Variants in ASTN2 observed in about 807,000 individuals in gnomAD.
ASTN2 encodes astrotactin-2.
In ASTN2, 54 loss-of-function variants were observed where a neutral mutation model predicts 139.8. The observed-to-expected ratio is 0.39, with a 90% CI of 0.31 to 0.48. The LOEUF (loss-of-function observed/expected upper bound fraction) is 0.48, where lower values mean the gene tolerates loss of function less well. ASTN2 is among the 20% of genes least tolerant of loss of function. The pLI, the probability that ASTN2 is intolerant of heterozygous loss-of-function variation, is 0.95. For missense variants in ASTN2, 1,565 were observed against 1,725.1 expected (o/e 0.91, Z 1.64); for synonymous variants, 756 against 719.5 (o/e 1.05, Z -0.81).
intron 3 of ASTN2, among the ~76,000 whole-genome samples, chr9:117,157,841 A>AT (rs1830464472): frequency 6.6e-6 from 1 of 151,996 alleles, no homozygotes; most frequent in Non-Finnish European, 1.5e-5. Flanking sequence ...TCTGTATAAC[A>AT]TATATAAGAA....
chr9:116,524,501 C>T (rs1464918212), intron 19 of ASTN2, among the ~76,000 whole-genome samples: 2 of 152,134 alleles, frequency 1.3e-5, no homozygotes, highest in East Asian at 3.9e-4. Flanking sequence ...ATGGAAAGAG[C>T]TCTATATTTG....
rs148103310 is a variant in ASTN2, at chr9:116,820,653, T to G, written c.2171A>C (p.Tyr724Ser). ...GAAGATGGTGCTCGAAGTGGCATCGTAGGGCAGGGGCAGCGTCTGCTGCAG... is the reference window on the plus strand; with the variant it reads ...GAAGATGGTGCTCGAAGTGGCATCGGAGGGCAGGGGCAGCGTCTGCTGCAG... ...LCLQQTLPLP[Y>S]DATSSTIFMF... The change falls in exon 12 of 23, where the codon TAC becomes TCC. Residue 724 changes from tyrosine to serine, a missense_variant. Tyr to Ser is a moderately radical substitution (Grantham distance 144, BLOSUM62 -2). Around this residue, in one of 4 missense-constraint regions of ASTN2, gnomAD observed 503 missense variants for 591.7 expected, o/e 0.85. Transcript: ENST00000313400. 3.7e-6 allele frequency: 6 copies of G among 1,614,158 alleles called. No homozygotes were observed. The highest frequency in any genetic ancestry group is 5.1e-6 in the Non-Finnish European group (6 of 1,180,006).
At chr9:116,928,059 G>T (rs553069253) in intron 10 of ASTN2, among the ~76,000 whole-genome samples, 1 of 151,770 alleles carries the variant, frequency 6.6e-6, no homozygotes. Context: ...GCTTGACTCA[G>T]CTTCCCTCCC....
intron 17 of ASTN2, among the ~76,000 whole-genome samples, chr9:116,649,574 A>AG (rs1412736501): frequency 6.9e-6 from 1 of 143,932 alleles, no homozygotes; most frequent in East Asian, 2.0e-4. Context: ...AACTGTCTCA[A>AG]AAAAAAAAAA....
chr9:116,903,762 CA>C (rs1245803580), intron 10 of ASTN2, among the ~76,000 whole-genome samples: 1 of 152,130 alleles, frequency 6.6e-6, no homozygotes, highest in African/African-American at 2.4e-5. Context: ...AATAGTTTGA[CA>C]TTTGTTTTTT....
rs1588218245 is a variant in ASTN2 at position 116,699,206 on chromosome 9, G to A, written c.2806+26565C>T. On this transcript the variant is annotated intron_variant, in intron 16 of 22. Transcript: ENST00000313400. The surrounding 1 kb of genome is among the most constrained non-coding windows in gnomAD (Gnocchi z 4.2). ...CTGGCCAGTTTGTAGTAACCGATGT[G>A]GAAGGTGGAAAGCTTTGGTGTTTCA... The A allele has an allele frequency of 1.2e-6, 2 of 1,614,238 alleles. No homozygotes were observed. Among genetic ancestry groups the A allele is most frequent in the East Asian group, 2.2e-5 (1 of 44,872 alleles).
intron 4 of ASTN2, among the ~76,000 whole-genome samples, chr9:117,106,918 C>T (rs1334104611): frequency 6.6e-6 from 1 of 152,122 alleles, no homozygotes; most frequent in Admixed American, 6.5e-5. Context: ...TGTGTCTGTG[C>T]ATGTGCACAC....
At chr9:117,051,451 G>A (rs938619301) in intron 5 of ASTN2, among the ~76,000 whole-genome samples, 1 of 152,078 alleles carries the variant, frequency 6.6e-6, no homozygotes, top group South Asian at 2.1e-4. Flanking sequence ...GCTCCTAACA[G>A]TATTACTATG....
chr9:117,048,090 G>A (rs1435598058), intron 5 of ASTN2, among the ~76,000 whole-genome samples: 1 of 152,128 alleles, frequency 6.6e-6, no homozygotes, highest in African/African-American at 2.4e-5. Flanking sequence ...TGATGTCAGG[G>A]TCCAAGCTCT....
Position 117,279,591 on chromosome 9 carries a change from A to G in ASTN2, c.630+11735T>C, listed in dbSNP as rs183278722. ...ATTCCAATCCAGGCAGTTCTGTCCC[A>G]AAGTCAACATTCTTGTTTTGGGTTT... On this transcript the variant is annotated intron_variant, in intron 2 of 22. Transcript: ENST00000313400. Among the ~76,000 whole-genome samples, 89 of 152,366 alleles carry G rather than the reference A, an allele frequency of 5.8e-4. 1 individual carries two copies. In the East Asian group the frequency reaches 0.014, roughly 25 times the overall value.
intron 13 of ASTN2, among the ~76,000 whole-genome samples, chr9:116,740,806 G>A (rs568125507): frequency 3.3e-5 from 5 of 151,630 alleles, no homozygotes; most frequent in African/African-American, 7.3e-5. Flanking sequence ...GAACCACCGC[G>A]CCCGGCGGTA....
intron 20 of ASTN2, among the ~76,000 whole-genome samples, chr9:116,460,612 C>A (rs1848457482): frequency 6.6e-6 from 1 of 152,096 alleles, no homozygotes; most frequent in Non-Finnish European, 1.5e-5. Context: ...TCAGTGAAAT[C>A]TTAAGTGAAT....
intron 17 of ASTN2, among the ~76,000 whole-genome samples, chr9:116,638,514 AT>A (rs1188329648): frequency 6.8e-6 from 1 of 146,110 alleles, no homozygotes; most frequent in African/African-American, 2.5e-5. Context: ...AGGTTTTTCA[AT>A]ATGGGCTGTG....
At chr9:116,656,847 T>G (rs1339893367) in intron 16 of ASTN2, among the ~76,000 whole-genome samples, 1 of 152,146 alleles carries the variant, frequency 6.6e-6, no homozygotes, top group Admixed American at 6.5e-5. Context: ...GCACGGATGT[T>G]TGTTCAATAT....
At chr9:116,809,913 C>T (rs1305075904) in intron 12 of ASTN2, among the ~76,000 whole-genome samples, 1 of 152,184 alleles carries the variant, frequency 6.6e-6, no homozygotes, top group Non-Finnish European at 1.5e-5. Context: ...GGAATCTATG[C>T]TGACATGATT....
chr9:117,393,236 G>A (rs974797360), intron 1 of ASTN2, among the ~76,000 whole-genome samples: 1 of 152,198 alleles, frequency 6.6e-6, no homozygotes, highest in Admixed American at 6.5e-5. Flanking sequence ...TGGTCAACAA[G>A]GGACTTTGGC....
chr9:117,317,227 T>C (rs535422879), intron 1 of ASTN2, among the ~76,000 whole-genome samples: 1 of 152,272 alleles, frequency 6.6e-6, no homozygotes, highest in Non-Finnish European at 1.5e-5. Context: ...TTATGTTGAA[T>C]AGCTTTGCAC....
At chr9:116,817,704 A>G (rs1226978498) in intron 12 of ASTN2, among the ~76,000 whole-genome samples, 3 of 152,238 alleles carry the variant, frequency 2.0e-5, no homozygotes, top group African/African-American at 7.2e-5. Context: ...AGTAAACAAG[A>G]GATAAAATCC....
chr9:117,106,580 A>G (rs1024002178), intron 4 of ASTN2, among the ~76,000 whole-genome samples: 2 of 152,196 alleles, frequency 1.3e-5, no homozygotes, highest in African/African-American at 4.8e-5. Flanking sequence ...AAGTCAGTAC[A>G]TATTTATTGT....
Sources: allele counts gnomAD v4.1 joint callset (sites outside exome capture counted in the v4.1 genomes callset), GRCh38; gene constraint gnomAD v4.1.1; regional missense constraint gnomAD v4.1.1; non-coding constraint Gnocchi (gnomAD v3.1); transcripts MANE v1.5; gene names NCBI Gene and HGNC (gene_info 2026-07-23, HGNC 2026-07-21).